The following GRIP1 variants were observed in gnomAD, a reference collection of about 807,000 sequenced individuals.
GRIP1 encodes the protein glutamate receptor-interacting protein 1.
A neutral mutation model predicts 129.9 loss-of-function variants in GRIP1; 45 were observed. That is an observed-to-expected ratio of 0.35 (90% CI 0.27 to 0.44). The LOEUF (loss-of-function observed/expected upper bound fraction) is 0.44. GRIP1 is among the 20% of genes least tolerant of loss of function. The pLI, the probability that GRIP1 is intolerant of heterozygous loss-of-function variation, is 1.00. For missense variants in GRIP1, 1,196 were observed against 1,396.8 expected, an observed-to-expected ratio of 0.86 and a Z score of 2.29; for synonymous variants, 530 against 520.8, an observed-to-expected ratio of 1.02 and a Z score of -0.24.
chr12:66,557,043 G>C (rs1193452083), intron 2 of GRIP1, among the ~76,000 whole-genome samples: 1 of 151,080 alleles, frequency 6.6e-6, no homozygotes, highest in East Asian at 1.9e-4. Flanking sequence ...GTGGCTGAAT[G>C]GATAAAAAAA....
chr12:66,867,988 T>C (rs2040234079), intron 1 of GRIP1, among the ~76,000 whole-genome samples: 1 of 152,092 alleles, frequency 6.6e-6, no homozygotes, highest in African/African-American at 2.4e-5. Context: ...CACTTTATTC[T>C]GACGTAAATA....
intron 1 of GRIP1, among the ~76,000 whole-genome samples, chr12:66,721,513 G>A (rs1467133187): frequency 6.6e-6 from 1 of 152,010 alleles, no homozygotes; most frequent in African/African-American, 2.4e-5. Context: ...GAACTCAGGT[G>A]ATCCTTCCAC....
intron 1 of GRIP1, among the ~76,000 whole-genome samples, chr12:66,996,703 T>A (rs2042472997): frequency 6.6e-6 from 1 of 152,156 alleles, no homozygotes; most frequent in Non-Finnish European, 1.5e-5. Flanking sequence ...CAGAGTGATG[T>A]GAGATTGGAA....
At chr12:66,870,189 T>C (rs1386381584) in intron 1 of GRIP1, among the ~76,000 whole-genome samples, 3 of 152,042 alleles carry the variant, frequency 2.0e-5, no homozygotes, top group Non-Finnish European at 4.4e-5. Flanking sequence ...CATAAGCATA[T>C]GACAGAAATA....
intron 1 of GRIP1, among the ~76,000 whole-genome samples, chr12:66,997,316 T>G (rs775960285): frequency 6.6e-6 from 1 of 151,576 alleles, no homozygotes; most frequent in African/African-American, 2.4e-5. Flanking sequence ...CCACAGCACA[T>G]GTCTGTAATT....
At chr12:66,782,482 T>C (rs1797630801) in intron 1 of GRIP1, among the ~76,000 whole-genome samples, 1 of 152,222 alleles carries the variant, frequency 6.6e-6, no homozygotes, top group South Asian at 2.1e-4. Context: ...AAGTAAAGAC[T>C]GAAATAATTA....
intron 7 of GRIP1, among the ~76,000 whole-genome samples, chr12:66,502,821 C>T (rs1019385636): frequency 3.9e-5 from 6 of 152,074 alleles, no homozygotes; most frequent in African/African-American, 1.4e-4. Flanking sequence ...TATAAATTAC[C>T]CAGTCTCAGG....
intron 1 of GRIP1, among the ~76,000 whole-genome samples, chr12:66,616,473 G>A (rs2065042077): frequency 6.6e-6 from 1 of 152,102 alleles, no homozygotes; most frequent in South Asian, 2.1e-4. Flanking sequence ...GAGTCTCTGT[G>A]ACATGTGCAT....
intron 1 of GRIP1, among the ~76,000 whole-genome samples, chr12:66,998,429 A>AAT (rs1555259294): frequency 6.7e-4 from 102 of 151,920 alleles, no homozygotes; most frequent in African/African-American, 2.1e-3. Flanking sequence ...GATAAAAAAA[A>AAT]ATATATATTT....
intron 1 of GRIP1, among the ~76,000 whole-genome samples, chr12:67,015,852 A>G (rs1466694252): frequency 6.6e-6 from 1 of 152,164 alleles, no homozygotes; most frequent in East Asian, 1.9e-4. Flanking sequence ...TTATCCCCAC[A>G]TGAGAGACAA....
intron 1 of GRIP1, among the ~76,000 whole-genome samples, chr12:66,693,463 T>G (rs1277775758): frequency 6.6e-6 from 1 of 152,150 alleles, no homozygotes; most frequent in Non-Finnish European, 1.5e-5. Context: ...CAGTCCCCAC[T>G]AGGGTTCCTT....
chr12:67,010,657 G>C (rs934047185), intron 1 of GRIP1, among the ~76,000 whole-genome samples: 1 of 152,032 alleles, frequency 6.6e-6, no homozygotes, highest in African/African-American at 2.4e-5. Context: ...AACTTTGAAA[G>C]AATAGGCCAG....
intron 1 of GRIP1, among the ~76,000 whole-genome samples, chr12:66,975,986 C>T (rs756744531): frequency 5.3e-5 from 8 of 152,062 alleles, no homozygotes; most frequent in Non-Finnish European, 1.0e-4. Context: ...TTTTCTCATT[C>T]GAACTAAATA....
In GRIP1 at chr12:66,598,850, C is replaced by A. The variant is rs570260825; in HGVS notation, c.56-1923G>T. On this transcript the variant is annotated intron_variant, in intron 1 of 24. Transcript: ENST00000359742. ...CTCAGTTTTCTATTTGTCAAGATTC[C>A]AGCCAATTAAAGTCTTGAATTGAAT... Among the ~76,000 whole-genome samples the A allele has an allele frequency of 1.6e-3, 236 of 152,194 alleles. 1 individual carries two copies. The highest frequency in any genetic ancestry group is 5.3e-3 in the African/African-American group (221 of 41,514).
intron 1 of GRIP1, among the ~76,000 whole-genome samples, chr12:66,961,660 C>T (rs1370024873): frequency 6.6e-6 from 1 of 151,908 alleles, no homozygotes; most frequent in Non-Finnish European, 1.5e-5. Context: ...ATACCCTTGG[C>T]CCCAATTTTT....
chr12:66,682,134 C>T (rs963169515), upstream of GRIP1, among the ~76,000 whole-genome samples: 2 of 152,212 alleles, frequency 1.3e-5, no homozygotes, highest in South Asian at 2.1e-4. Context: ...GCCACCAATA[C>T]AAAATGTGAT....
intron 1 of GRIP1, among the ~76,000 whole-genome samples, chr12:66,888,200 C>T (rs148675151): frequency 3.2e-4 from 49 of 151,090 alleles, no homozygotes; most frequent in Non-Finnish European, 5.7e-4. Context: ...GAACCACAGG[C>T]GCACACCATC....
chr12:67,006,382 T>C (rs551321416), intron 1 of GRIP1, among the ~76,000 whole-genome samples: 3 of 152,122 alleles, frequency 2.0e-5, no homozygotes, highest in African/African-American at 7.2e-5. Context: ...CAGGGCAACA[T>C]AGTGAGACCC....
Position 66,851,163 on chromosome 12 carries a change from G to A in GRIP1, c.58+217887C>T, listed in dbSNP as rs149285891. 9.1e-4 allele frequency among the ~76,000 whole-genome samples: 138 copies of A among 151,778 alleles called. 2 individuals are homozygous for A. In the East Asian group the frequency reaches 0.023, roughly 25 times the overall value. ...TAAGCTGAAAGGCAAGAGAAATTTGGGAATAGAGGCCATAGAGGTAATATG... is the reference window on the plus strand; with the variant it reads ...TAAGCTGAAAGGCAAGAGAAATTTGAGAATAGAGGCCATAGAGGTAATATG... On this transcript the variant is annotated intron_variant, in intron 1 of 1. Transcript: ENST00000643019.
Sources: gnomAD v4.1 joint callset for allele counts (sites outside exome capture counted in the v4.1 genomes callset) on GRCh38, gnomAD v4.1.1 for gene constraint, MANE v1.5 for transcripts, NCBI Gene and HGNC (gene_info 2026-07-23, HGNC 2026-07-21) for gene names.